The following OSBP2 variants were observed in gnomAD, a reference collection of about 807,000 sequenced individuals.
OSBP2 encodes oxysterol-binding protein 2.
A neutral mutation model predicts 96.0 loss-of-function variants in OSBP2; 66 were observed. The ratio of observed to expected loss-of-function variants is 0.69; its 90% CI spans 0.56 to 0.84. The LOEUF is 0.84. OSBP2 is among the 40% of genes least tolerant of loss of function. The pLI, the probability that OSBP2 is intolerant of heterozygous loss-of-function variation, is 0.00. For synonymous variants in OSBP2, 525 were observed against 520.9 expected (o/e 1.01, Z -0.11); for missense variants, 1,038 against 1,222.7 (o/e 0.85, Z 2.25).
At chr22:30,796,186 C>T (rs934093620) in intron 2 of OSBP2, among the ~76,000 whole-genome samples, 1 of 152,130 alleles carries the variant, frequency 6.6e-6, no homozygotes, top group East Asian at 1.9e-4. Context: ...AGGAGAGTCA[C>T]ACAAGGCCCT....
At chr22:30,721,273 A>C (rs1422318866) in intron 1 of OSBP2, among the ~76,000 whole-genome samples, 1 of 152,070 alleles carries the variant, frequency 6.6e-6, no homozygotes. Flanking sequence ...ACAAACAAAC[A>C]AACCCAAAAG....
chr22:30,713,909 G>T (rs2089401544), intron 1 of OSBP2, among the ~76,000 whole-genome samples: 1 of 152,026 alleles, frequency 6.6e-6, no homozygotes, highest in South Asian at 2.1e-4. Context: ...TTTGTGTTGG[G>T]AACATCCAAA....
intron 2 of OSBP2, among the ~76,000 whole-genome samples, chr22:30,855,971 T>C (rs937376480): frequency 6.6e-6 from 1 of 152,196 alleles, no homozygotes; most frequent in Non-Finnish European, 1.5e-5. Flanking sequence ...CTGCAGGCTA[T>C]GTGAGGGGCC....
At chr22:30,759,617 A>G (rs2090182929) in intron 2 of OSBP2, among the ~76,000 whole-genome samples, 1 of 152,240 alleles carries the variant, frequency 6.6e-6, no homozygotes, top group African/African-American at 2.4e-5. Flanking sequence ...GGATGAAATG[A>G]ACCAATTCTT....
chr22:30,702,917 A>G (rs998202128), intron 1 of OSBP2, among the ~76,000 whole-genome samples: 1 of 152,228 alleles, frequency 6.6e-6, no homozygotes, highest in Non-Finnish European at 1.5e-5. Context: ...TAGATGAGTG[A>G]GTAAATGAAT....
At chr22:30,861,143 G>A (rs2039203267) in intron 2 of OSBP2, among the ~76,000 whole-genome samples, 1 of 152,182 alleles carries the variant, frequency 6.6e-6, no homozygotes, top group Non-Finnish European at 1.5e-5. Flanking sequence ...GCCGGCCCGG[G>A]GGTATTGGGA....
chr22:30,837,261 CAAAA>C (rs34674333), intron 2 of OSBP2, among the ~76,000 whole-genome samples: 8 of 110,806 alleles, frequency 7.2e-5, no homozygotes, highest in Middle Eastern at 4.8e-3. Context: ...GACTCTGTCT[CAAAA>C]AAAAAAAAAA....
intron 3 of OSBP2, among the ~76,000 whole-genome samples, chr22:30,873,536 G>A (rs535914595): frequency 6.6e-6 from 1 of 152,210 alleles, no homozygotes; most frequent in South Asian, 2.1e-4. Flanking sequence ...AATCTCTTCC[G>A]ATCTCACAGT....
At chr22:30,897,060 G>C (rs1166220405) in intron 12 of OSBP2, among the ~76,000 whole-genome samples, 1 of 152,044 alleles carries the variant, frequency 6.6e-6, no homozygotes, top group Non-Finnish European at 1.5e-5. Context: ...CTAACAAAAA[G>C]CTATAATAGC....
chr22:30,707,377 G>A (rs144663133), intron 1 of OSBP2, among the ~76,000 whole-genome samples: 14 of 152,190 alleles, frequency 9.2e-5, no homozygotes, highest in Non-Finnish European at 1.8e-4. Flanking sequence ...GATTACAGGC[G>A]TGAGCCACCG....
At chr22:30,789,501 G>A (rs930067341) in intron 2 of OSBP2, among the ~76,000 whole-genome samples, 4 of 152,178 alleles carry the variant, frequency 2.6e-5, no homozygotes, top group African/African-American at 7.2e-5. Flanking sequence ...AAGTGAATGA[G>A]TGATTTCCTC....
At chr22:30,712,029 T>C (rs893931663) in intron 1 of OSBP2, among the ~76,000 whole-genome samples, 3 of 152,170 alleles carry the variant, frequency 2.0e-5, no homozygotes, top group Admixed American at 1.3e-4. Flanking sequence ...AGGCCAACAC[T>C]GGTGTAATAC....
chr22:30,778,169 C>CTTTTTTTTTTTTTTTTTTTTTTTTTTTT (rs1569119423), intron 2 of OSBP2, among the ~76,000 whole-genome samples: 1 of 124,184 alleles, frequency 8.1e-6, no homozygotes, highest in Non-Finnish European at 1.7e-5. Context: ...TAATTTTTGC[C>CTTTTTTTTTTTTTTTTTTTTTTTTTTTT]CTTTTTTTTT....
chr22:30,866,230 T>C (rs2039333228), intron 2 of OSBP2, among the ~76,000 whole-genome samples: 1 of 152,192 alleles, frequency 6.6e-6, no homozygotes, highest in African/African-American at 2.4e-5. Context: ...ATTACCCAGG[T>C]GGGCCCAGCA....
At chr22:30,879,883 C>A (rs1236488075) in intron 3 of OSBP2, among the ~76,000 whole-genome samples, 1 of 152,170 alleles carries the variant, frequency 6.6e-6, no homozygotes, top group Non-Finnish European at 1.5e-5. Flanking sequence ...GAAACCCTGT[C>A]TCTACTAAAA....
chr22:30,741,463 A>T, intron 2 of OSBP2, 94 bp downstream of exon 2: 2 of 1,018,672 alleles, frequency 2.0e-6, no homozygotes, highest in African/African-American at 1.6e-5. Context: ...AGTGGTGGCC[A>T]GGAGACCCAG....
At chr22:30,807,801 G>A (rs764357027) in intron 2 of OSBP2, among the ~76,000 whole-genome samples, 3 of 152,060 alleles carry the variant, frequency 2.0e-5, no homozygotes, top group African/African-American at 4.8e-5. Flanking sequence ...TTTTTTTGTG[G>A]TGGTCTTTCT....
chr22:30,892,405 G>C (rs780198888), intron 8 of OSBP2, among the ~76,000 whole-genome samples: 18 of 152,226 alleles, frequency 1.2e-4, no homozygotes, highest in Admixed American at 5.2e-4. Flanking sequence ...GCACACTGCG[G>C]GCAGCGGGAT....
chr22:30,877,719 C>G (rs2039614247), intron 3 of OSBP2, among the ~76,000 whole-genome samples: 1 of 152,186 alleles, frequency 6.6e-6, no homozygotes, highest in African/African-American at 2.4e-5. Flanking sequence ...TGGGCTTGTT[C>G]CTGCTGCTGT....
Sources: gnomAD v4.1 joint callset for allele counts (sites outside exome capture counted in the v4.1 genomes callset) on GRCh38, gnomAD v4.1.1 for gene constraint, MANE v1.5 for transcripts, NCBI Gene and HGNC (gene_info 2026-07-23, HGNC 2026-07-21) for gene names.